The following DOCK5 variants were observed in gnomAD, a reference collection of about 807,000 sequenced individuals.
DOCK5 encodes dedicator of cytokinesis 5.
A neutral mutation model predicts 251.8 loss-of-function variants in DOCK5; 142 were observed. That is an observed-to-expected ratio of 0.56 (90% CI 0.49 to 0.65). The LOEUF (loss-of-function observed/expected upper bound fraction) is 0.65. DOCK5 is among the 30% of genes least tolerant of loss of function. The pLI, the probability that DOCK5 is intolerant of heterozygous loss-of-function variation, is 0.00. For missense variants in DOCK5, 2,111 were observed against 2,312.3 expected (o/e 0.91, Z 1.79); for synonymous variants, 842 against 835.5 (o/e 1.01, Z -0.13).
In DOCK5 at chr8:25,317,069, A is replaced by G. The variant is rs747012460; in HGVS notation, c.1381A>G (p.Lys461Glu). The G allele has an allele frequency of 6.2e-7, 1 of 1,613,870 alleles. No homozygotes were observed. The highest frequency in any genetic ancestry group is 2.2e-5 in the East Asian group (1 of 44,892). ...IHGEFDKGKK[K>E]TPKNVEVTMS... Reference sequence around the variant, plus strand: ...CGGTGAGTTTGACAAAGGGAAGAAGAAGACGCCAAAGAATGTGGAGGTGAC... The same window carrying G: ...CGGTGAGTTTGACAAAGGGAAGAAGGAGACGCCAAAGAATGTGGAGGTGAC... The change falls in exon 14 of 52, where the codon AAG becomes GAG. Residue 461 changes from lysine (K) to glutamate (E), a missense_variant. Physicochemically the swap from Lys to Glu is moderately conservative, Grantham distance 56. Around this residue, in one of 3 missense-constraint regions of DOCK5, gnomAD observed 1,717 missense variants for 1,892.4 expected, o/e 0.91. Transcript: ENST00000276440.
intron 2 of DOCK5, among the ~76,000 whole-genome samples, chr8:25,265,728 GGAGAA>G (rs1252944362): frequency 4.0e-5 from 6 of 151,870 alleles, no homozygotes; most frequent in African/African-American, 1.5e-4. Context: ...CATGTAGCGA[GGAGAA>G]GAATCAGGGA....
intron 1 of DOCK5, among the ~76,000 whole-genome samples, chr8:25,242,961 C>A (rs1187845676): frequency 6.6e-6 from 1 of 152,222 alleles, no homozygotes; most frequent in Non-Finnish European, 1.5e-5. Context: ...CGTGTTCTTG[C>A]AGGCTGGCTG....
chr8:25,348,062 T>G (rs1757574007), intron 26 of DOCK5, among the ~76,000 whole-genome samples: 1 of 152,266 alleles, frequency 6.6e-6, no homozygotes, highest in Non-Finnish European at 1.5e-5. Flanking sequence ...CCAATCGTTT[T>G]TTGTCCATCA....
chr8:25,272,749 T>C (rs928898289), intron 3 of DOCK5, among the ~76,000 whole-genome samples: 30 of 152,158 alleles, frequency 2.0e-4, no homozygotes, highest in African/African-American at 7.0e-4. Flanking sequence ...AAGTGTACTT[T>C]CCAGTGGCAC....
At chr8:25,251,991 T>C (rs1190590201) in intron 2 of DOCK5, among the ~76,000 whole-genome samples, 1 of 22,224 alleles carries the variant, frequency 4.5e-5, no homozygotes, top group Non-Finnish European at 9.0e-5. Context: ...AGACTCTATC[T>C]CAAAAAAAAA....
At chr8:25,239,945 C>T (rs1353390108) in intron 1 of DOCK5, among the ~76,000 whole-genome samples, 3 of 152,174 alleles carry the variant, frequency 2.0e-5, no homozygotes, top group Non-Finnish European at 4.4e-5. Context: ...GACGTGTGCT[C>T]CTTCCTGCTC....
chr8:25,248,850 G>A (rs1462675376), intron 2 of DOCK5, among the ~76,000 whole-genome samples: 1 of 151,826 alleles, frequency 6.6e-6, no homozygotes, highest in Admixed American at 6.6e-5. Context: ...TAGAGAGTAA[G>A]GGGGTCAGGG....
chr8:25,318,389 T>C (rs949336820), intron 14 of DOCK5, among the ~76,000 whole-genome samples: 4 of 152,068 alleles, frequency 2.6e-5, no homozygotes, highest in Non-Finnish European at 4.4e-5. Flanking sequence ...ATGTGCTGCC[T>C]GCTTTGCTTT....
In DOCK5 at chr8:25,372,546, T is replaced by G; in HGVS notation, c.3525-13T>G. ...TGGAACCTGGGCTTTTGTCTCTCCC[T>G]CCGCCCCTCCAGGCTCCTAGAACAT... is the stretch of plus-strand genomic sequence containing the variant. On this transcript the variant is annotated splice_polypyrimidine_tract_variant and intron_variant, in intron 34 of 51. Transcript: ENST00000276440. 2 of 1,562,456 alleles carry G rather than the reference T, an allele frequency of 1.3e-6. No individual in the cohort carries two copies. The highest frequency in any genetic ancestry group is 2.5e-5 in the South Asian group (2 of 81,504).
chr8:25,371,994 A>G (rs896350191), intron 34 of DOCK5, among the ~76,000 whole-genome samples: 1 of 152,210 alleles, frequency 6.6e-6, no homozygotes, highest in Admixed American at 6.5e-5. Flanking sequence ...TTGCTTCTTT[A>G]TAACTCTGCA....
chr8:25,386,648 T>A (rs1801169369), intron 40 of DOCK5, among the ~76,000 whole-genome samples: 1 of 150,490 alleles, frequency 6.6e-6, no homozygotes, highest in African/African-American at 2.5e-5. Flanking sequence ...TGCATCAGGG[T>A]CTAGTGTTAG....
intron 1 of DOCK5, among the ~76,000 whole-genome samples, chr8:25,190,384 C>G (rs937672387): frequency 6.6e-6 from 1 of 152,106 alleles, no homozygotes; most frequent in Admixed American, 6.6e-5. Context: ...AGTGACAGGT[C>G]TAATAACTAG....
At position 25,382,657 on chromosome 8, in the gene DOCK5, CTTGTT is replaced by C. The variant is rs1366733290; in HGVS notation, c.4027-9_4027-5del. ...TACTTATAACCTCCCCTTGGAATGTCTTGTTTTGTTTTCCAGAAAAAAAGGGCCTC... is the reference window on the plus strand; with the variant it reads ...TACTTATAACCTCCCCTTGGAATGTCTTGTTTTCCAGAAAAAAAGGGCCTC... On this transcript the variant is annotated splice_polypyrimidine_tract_variant and intron_variant, in intron 39 of 51. Coordinates refer to ENST00000276440, the MANE Select transcript of DOCK5 (RefSeq NM_024940.8). 2 of 1,588,460 alleles carry C rather than the reference CTTGTT, an allele frequency of 1.3e-6. No homozygotes were observed. The highest frequency in any genetic ancestry group is 4.5e-5 in the East Asian group (2 of 44,374).
chr8:25,218,033 C>T (rs897656930), intron 1 of DOCK5, among the ~76,000 whole-genome samples: 4 of 152,278 alleles, frequency 2.6e-5, no homozygotes, highest in Admixed American at 6.5e-5. Flanking sequence ...ACAGTGAATT[C>T]GTTTAAGCAA....
At chr8:25,325,288 C>A in intron 17 of DOCK5, 76 bp from the exon 18 acceptor site, 1 of 1,486,218 alleles carries the variant, frequency 6.7e-7, no homozygotes. Context: ...GCTGAAAATG[C>A]ATGATAGAAA....
At chr8:25,405,350 G>A (rs564963630) in intron 48 of DOCK5, among the ~76,000 whole-genome samples, 1 of 151,032 alleles carries the variant, frequency 6.6e-6, no homozygotes, top group African/African-American at 2.4e-5. Context: ...AATATAAGAT[G>A]TTAAGTATGG....
intron 47 of DOCK5, among the ~76,000 whole-genome samples, 183 bp from the exon 48 acceptor site, chr8:25,403,375 G>A (rs1205244032): frequency 3.3e-5 from 5 of 152,118 alleles, no homozygotes; most frequent in Non-Finnish European, 4.4e-5. Context: ...ATAGCTAACA[G>A]TATCAGTACA....
chr8:25,254,793 C>CA lies in DOCK5; in HGVS notation c.127+11048dup, dbSNP rs1396748365. ...TGTCTCAAAAAAAAACAAAACAAAA[C>CA]AAAAAAAAAAAACATTTGATAAAGG... is the stretch of plus-strand genomic sequence containing the variant. On this transcript the variant is annotated intron_variant, in intron 2 of 51. Transcript: ENST00000276440. Among the ~76,000 whole-genome samples the CA allele has an allele frequency of 7.9e-5, 6 of 76,248 alleles. 1 individual carries two copies. Among genetic ancestry groups the CA allele is most frequent in the African/African-American group, 3.4e-4 (6 of 17,512 alleles). 50.0% of individuals were successfully genotyped at this position (76,248 alleles called of 152,430 possible).
chr8:25,235,121 T>G (rs1317945996), intron 1 of DOCK5, among the ~76,000 whole-genome samples: 1 of 152,152 alleles, frequency 6.6e-6, no homozygotes, highest in Non-Finnish European at 1.5e-5. Flanking sequence ...TTTTTGGGCC[T>G]CACAAAACCA....
Sources: gnomAD v4.1 joint callset for allele counts (sites outside exome capture counted in the v4.1 genomes callset) on GRCh38, gnomAD v4.1.1 for gene constraint, gnomAD v4.1.1 regional missense constraint, MANE v1.5 for transcripts, NCBI Gene and HGNC (gene_info 2026-07-23, HGNC 2026-07-21) for gene names.